The following WNT3A variants were observed in gnomAD, a reference collection of about 807,000 sequenced individuals.
WNT3A encodes the protein Wnt family member 3A, also known as protein Wnt-3a.
Under a neutral mutation model 37.0 loss-of-function variants are expected in WNT3A, and 17 were observed. The ratio of observed to expected loss-of-function variants is 0.46; its 90% CI spans 0.31 to 0.69. The LOEUF (loss-of-function observed/expected upper bound fraction) is 0.69, where lower values mean the gene tolerates loss of function less well. Ranked by LOEUF, WNT3A falls within the 30% of genes least tolerant of loss-of-function variation. The probability of loss-of-function intolerance (pLI) is 0.05; values close to 1 mark genes in which losing one functional copy is unlikely to be tolerated. For synonymous variants in WNT3A, 187 were observed against 211.0 expected, an observed-to-expected ratio of 0.89 and a Z score of 0.99; for missense variants, 411 against 510.2, an observed-to-expected ratio of 0.81 and a Z score of 1.87.
chr1:228,037,023 G>A lies in WNT3A; in HGVS notation c.314-13633G>A, dbSNP rs528599100. Reference sequence around the variant, plus strand: ...ATGGGCTGGGCCCAGGAGTCCCCCCGGGCCCTGGCACCTGCCAGATAGGTC... The same window carrying A: ...ATGGGCTGGGCCCAGGAGTCCCCCCAGGCCCTGGCACCTGCCAGATAGGTC... On this transcript the variant is annotated intron_variant, in intron 2 of 3. Transcript: ENST00000284523. This position sits in a 1 kb window ranked among gnomAD's most constrained non-coding sequence, Gnocchi z 4.1. 1.2e-4 allele frequency among the ~76,000 whole-genome samples: 18 copies of A among 152,236 alleles called. No individual in the cohort carries two copies. The highest frequency in any genetic ancestry group is 3.9e-4 in the Admixed American group (6 of 15,302).
At chr1:228,015,503 C>T (rs892810729) in intron 1 of WNT3A, among the ~76,000 whole-genome samples, 4 of 152,170 alleles carry the variant, frequency 2.6e-5, no homozygotes, top group Non-Finnish European at 5.9e-5. Flanking sequence ...ATTCCTCATC[C>T]GGTGAATCAC....
At chr1:228,026,451 T>C (rs551819649) in intron 2 of WNT3A, among the ~76,000 whole-genome samples, 1 of 152,282 alleles carries the variant, frequency 6.6e-6, no homozygotes, top group African/African-American at 2.4e-5. Flanking sequence ...TTCTTTCTTT[T>C]TATTTATTTA....
intron 2 of WNT3A, among the ~76,000 whole-genome samples, chr1:228,032,471 G>C (rs1270097160): frequency 1.3e-5 from 2 of 152,188 alleles, no homozygotes; most frequent in Non-Finnish European, 2.9e-5. Context: ...GCCTATGAAC[G>C]AGTCCTGCTC....
At chr1:228,027,997 G>A (rs1490767963) in intron 2 of WNT3A, among the ~76,000 whole-genome samples, 2 of 152,142 alleles carry the variant, frequency 1.3e-5, no homozygotes, top group African/African-American at 2.4e-5. Context: ...CATGTGGTTT[G>A]CCAGTTTCCC....
At chr1:228,057,899 G>T (rs961450247) in intron 3 of WNT3A, among the ~76,000 whole-genome samples, 1 of 152,194 alleles carries the variant, frequency 6.6e-6, no homozygotes, top group Non-Finnish European at 1.5e-5. Flanking sequence ...GGAGTGCAGT[G>T]GCGCAATCTC....
At chr1:228,009,840 G>C (rs1226905406) in intron 1 of WNT3A, among the ~76,000 whole-genome samples, 1 of 151,818 alleles carries the variant, frequency 6.6e-6, no homozygotes, top group Admixed American at 6.6e-5. Context: ...CCCAGGGCTG[G>C]GTGGCCCAGA....
chr1:228,036,463 C>A (rs994221895), intron 2 of WNT3A, among the ~76,000 whole-genome samples: 1 of 152,124 alleles, frequency 6.6e-6, no homozygotes, highest in Non-Finnish European at 1.5e-5. Flanking sequence ...CCCCATCTGC[C>A]GTCCACCTGG....
chr1:228,047,928 C>T (rs2031461256), intron 2 of WNT3A, among the ~76,000 whole-genome samples: 2 of 152,106 alleles, frequency 1.3e-5, no homozygotes, highest in African/African-American at 2.4e-5. Flanking sequence ...CCAGGCCCCA[C>T]CCCAGCCCTG....
chr1:228,011,559 C>G (rs557457863), intron 1 of WNT3A, among the ~76,000 whole-genome samples: 1 of 152,048 alleles, frequency 6.6e-6, no homozygotes, highest in Non-Finnish European at 1.5e-5. Flanking sequence ...TGTCTCTGCC[C>G]GTCTCTGTCT....
intron 2 of WNT3A, among the ~76,000 whole-genome samples, chr1:228,034,653 G>T (rs1457942690): frequency 6.6e-6 from 1 of 152,192 alleles, no homozygotes; most frequent in Non-Finnish European, 1.5e-5. Context: ...GGAGCACTTA[G>T]TTACCATGCA....
chr1:228,023,328 GAC>G (rs1231606300), intron 2 of WNT3A, among the ~76,000 whole-genome samples: 1 of 152,094 alleles, frequency 6.6e-6, no homozygotes, highest in Non-Finnish European at 1.5e-5. Flanking sequence ...GATAGAGACA[GAC>G]AGAGACACAG....
intron 2 of WNT3A, among the ~76,000 whole-genome samples, chr1:228,034,618 T>C (rs554557057): frequency 1.3e-5 from 2 of 152,280 alleles, no homozygotes; most frequent in Non-Finnish European, 2.9e-5. Flanking sequence ...AAAACTTTGT[T>C]CACATAAATA....
chr1:228,053,898 A>G (rs1436369564), intron 3 of WNT3A, among the ~76,000 whole-genome samples: 1 of 152,196 alleles, frequency 6.6e-6, no homozygotes, highest in Non-Finnish European at 1.5e-5. Flanking sequence ...TTATACTTCC[A>G]TAAAATGATT....
In WNT3A at chr1:228,039,931, G is replaced by C. The variant is rs2031237614; in HGVS notation, c.314-10725G>C. ...CCTCCTTCAAGTTGTTTGTCCCTCAGAAAAGCCACTCAGGAGTCCCCTCTG... is the reference window on the plus strand; with the variant it reads ...CCTCCTTCAAGTTGTTTGTCCCTCACAAAAGCCACTCAGGAGTCCCCTCTG... On this transcript the variant is annotated intron_variant, in intron 2 of 3. Coordinates refer to ENST00000284523, the MANE Select transcript of WNT3A (RefSeq NM_033131.4). This position sits in a 1 kb window ranked among gnomAD's most constrained non-coding sequence, Gnocchi z 4.1. Among the ~76,000 whole-genome samples the C allele has an allele frequency of 6.6e-6, 1 of 152,146 alleles. No homozygotes were observed. Among genetic ancestry groups the C allele is most frequent in the Admixed American group, 6.5e-5 (1 of 15,286 alleles).
At chr1:228,028,949 C>T (rs980131225) in intron 2 of WNT3A, among the ~76,000 whole-genome samples, 1 of 152,022 alleles carries the variant, frequency 6.6e-6, no homozygotes, top group African/African-American at 2.4e-5. Flanking sequence ...CTGAGTTAGG[C>T]AAAACGAGTT....
At chr1:228,052,784 G>T (rs2031582549) in intron 3 of WNT3A, among the ~76,000 whole-genome samples, 1 of 152,246 alleles carries the variant, frequency 6.6e-6, no homozygotes, top group South Asian at 2.1e-4. Flanking sequence ...TGTTAAAAGT[G>T]TGGAGTCCCC....
chr1:228,031,998 G>C lies in WNT3A; in HGVS notation c.313+9090G>C, dbSNP rs1254114410. Among the ~76,000 whole-genome samples the C allele has an allele frequency of 6.6e-6, 1 of 152,208 alleles. No homozygotes were observed. Among genetic ancestry groups the C allele is most frequent in the Non-Finnish European group, 1.5e-5 (1 of 68,044 alleles). On this transcript the variant is annotated intron_variant, in intron 2 of 3. Transcript: ENST00000284523. This position sits in a 1 kb window ranked among gnomAD's most constrained non-coding sequence, Gnocchi z 4.8. ...ATACCAGGTGATGGAGGAAGGCTGT[G>C]CTGCATGGGGTCAGAGGGGAACATG...
In WNT3A at chr1:228,050,509, G is replaced by A. The variant is rs776118670; in HGVS notation, c.314-147G>A. ...ATGCTTCTGTGTAGCCTGTAGATCC[G>A]TGAACCAAGTAAGCCTCTTTGCCTT... On this transcript the variant is annotated intron_variant, in intron 2 of 3. Transcript: ENST00000284523. The surrounding 1 kb of genome is among the most constrained non-coding windows in gnomAD (Gnocchi z 5.0). 158 of 992,130 alleles carry A rather than the reference G, an allele frequency of 1.6e-4. No homozygotes were observed. The highest frequency in any genetic ancestry group is 2.0e-4 in the Non-Finnish European group (147 of 718,814). 61.5% of individuals were successfully genotyped at this position (992,130 alleles called of 1,614,324 possible).
chr1:228,040,921 T>G (rs974131372), intron 2 of WNT3A, among the ~76,000 whole-genome samples: 1 of 148,994 alleles, frequency 6.7e-6, no homozygotes, highest in Non-Finnish European at 1.5e-5. Flanking sequence ...AACATATCCT[T>G]CCTGTTTGAT....
Sources: allele counts gnomAD v4.1 joint callset (sites outside exome capture counted in the v4.1 genomes callset), GRCh38; gene constraint gnomAD v4.1.1; non-coding constraint Gnocchi (gnomAD v3.1); transcripts MANE v1.5; gene names NCBI Gene and HGNC (gene_info 2026-07-23, HGNC 2026-07-21).